NELL1: variants seen among roughly 807,000 people sequenced by gnomAD.
NELL1 encodes the protein neural EGFL like 1, also known as protein kinase C-binding protein NELL1.
Under a neutral mutation model 107.4 loss-of-function variants are expected in NELL1, and 76 were observed. The observed-to-expected ratio is 0.71, with a 90% CI of 0.59 to 0.86. The LOEUF (loss-of-function observed/expected upper bound fraction) is 0.86. Among genes scored for constraint, NELL1 ranks in the 40% least tolerant of loss-of-function variants. The pLI is 0.00. For missense variants in NELL1, 1,024 were observed against 1,005.5 expected, an observed-to-expected ratio of 1.02 and a Z score of -0.25; for synonymous variants, 353 against 341.2, an observed-to-expected ratio of 1.03 and a Z score of -0.38.
At chr11:21,202,437 T>C (rs1857290440) in intron 13 of NELL1, among the ~76,000 whole-genome samples, 1 of 152,242 alleles carries the variant, frequency 6.6e-6, no homozygotes, top group African/African-American at 2.4e-5. Context: ...TATTCTCTGA[T>C]GGTAGACTGT....
chr11:20,874,134 C>T (rs771225423), intron 4 of NELL1, among the ~76,000 whole-genome samples: 1 of 152,144 alleles, frequency 6.6e-6, no homozygotes, highest in African/African-American at 2.4e-5. Flanking sequence ...ATGGCACGAT[C>T]ACGGCTCACT....
chr11:20,861,592 C>T (rs1001953413), intron 4 of NELL1, among the ~76,000 whole-genome samples: 6 of 152,150 alleles, frequency 3.9e-5, no homozygotes, highest in South Asian at 4.1e-4. Flanking sequence ...GGTGAGACCA[C>T]GGCAATTATC....
At chr11:20,866,823 A>G (rs1192305054) in intron 4 of NELL1, among the ~76,000 whole-genome samples, 2 of 152,166 alleles carry the variant, frequency 1.3e-5, no homozygotes, top group African/African-American at 2.4e-5. Context: ...GATGTCTCTC[A>G]TTCTTTCCTA....
At chr11:20,840,401 G>C (rs892072802) in intron 3 of NELL1, among the ~76,000 whole-genome samples, 23 of 152,228 alleles carry the variant, frequency 1.5e-4, no homozygotes, top group Non-Finnish European at 2.6e-4. Context: ...AATTTGGACA[G>C]AGCCCAGAAA....
At chr11:21,523,037 C>T (rs971269850) in intron 15 of NELL1, among the ~76,000 whole-genome samples, 1 of 151,600 alleles carries the variant, frequency 6.6e-6, no homozygotes, top group Non-Finnish European at 1.5e-5. Flanking sequence ...TTAGTAGAAA[C>T]GGGGTTTCAC....
At chr11:21,132,690 C>T (rs767568009) in intron 13 of NELL1, among the ~76,000 whole-genome samples, 3 of 152,038 alleles carry the variant, frequency 2.0e-5, no homozygotes, top group Non-Finnish European at 2.9e-5. Flanking sequence ...AAAGAAGATG[C>T]TACAGCCCTG....
At chr11:20,893,751 A>T (rs1320118040) in intron 5 of NELL1, among the ~76,000 whole-genome samples, 1 of 151,816 alleles carries the variant, frequency 6.6e-6, no homozygotes, top group Non-Finnish European at 1.5e-5. Flanking sequence ...TAGAATGAAA[A>T]ATAAGAGTAT....
intron 12 of NELL1, among the ~76,000 whole-genome samples, chr11:21,086,476 G>C (rs1445074378): frequency 1.3e-5 from 2 of 152,138 alleles, no homozygotes; most frequent in Non-Finnish European, 2.9e-5. Flanking sequence ...CATCAATATA[G>C]TAGCTAAAAG....
intron 15 of NELL1, among the ~76,000 whole-genome samples, chr11:21,482,750 T>TA (rs545059568): frequency 0.011 from 1,581 of 137,724 alleles, 27 homozygotes; most frequent in African/African-American, 0.034. Context: ...CTGGAGAGCT[T>TA]AAAAAAAAAA....
intron 2 of NELL1, among the ~76,000 whole-genome samples, chr11:20,728,015 C>G (rs11025717): frequency 0.12 from 18,174 of 152,004 alleles, 1,195 homozygotes; most frequent in Non-Finnish European, 0.15. Flanking sequence ...GTATGAGATG[C>G]TATTTTATTG....
chr11:20,909,226 A>G (rs988199109), intron 5 of NELL1, among the ~76,000 whole-genome samples: 26 of 152,338 alleles, frequency 1.7e-4, no homozygotes, highest in African/African-American at 5.8e-4. Flanking sequence ...TGTTGAGGCA[A>G]TAGAAAAGTT....
At chr11:21,326,996 A>G (rs1850158283) in intron 14 of NELL1, among the ~76,000 whole-genome samples, 1 of 151,940 alleles carries the variant, frequency 6.6e-6, no homozygotes, top group South Asian at 2.1e-4. Context: ...GATATTATGG[A>G]TACCTATATG....
intron 13 of NELL1, among the ~76,000 whole-genome samples, chr11:21,211,831 T>G (rs1310053800): frequency 6.6e-6 from 1 of 152,018 alleles, no homozygotes; most frequent in African/African-American, 2.4e-5. Flanking sequence ...GTTTGTTTGG[T>G]TTTTTTGTTT....
chr11:21,445,368 C>A (rs1008656115), intron 15 of NELL1, among the ~76,000 whole-genome samples: 2 of 132,542 alleles, frequency 1.5e-5, no homozygotes, highest in African/African-American at 4.9e-5. Flanking sequence ...CTCTTGCTGC[C>A]CAGGCTGGAG....
At chr11:20,800,075 A>C (rs1312847088) in intron 3 of NELL1, among the ~76,000 whole-genome samples, 1 of 152,166 alleles carries the variant, frequency 6.6e-6, no homozygotes, top group Admixed American at 6.5e-5. Context: ...CCCATGGTGT[A>C]TACGTACTAG....
At chr11:21,251,537 C>A (rs1322813355) in intron 14 of NELL1, among the ~76,000 whole-genome samples, 1 of 151,890 alleles carries the variant, frequency 6.6e-6, no homozygotes, top group Admixed American at 6.6e-5. Context: ...TCTCCCAGCC[C>A]CCCACCTCCA....
intron 2 of NELL1, among the ~76,000 whole-genome samples, chr11:20,744,336 T>C (rs1288095853): frequency 6.6e-6 from 1 of 152,252 alleles, no homozygotes; most frequent in Admixed American, 6.5e-5. Context: ...CATATTATTA[T>C]ACTATTTATC....
At chr11:21,319,670 C>T (rs1174144626) in intron 14 of NELL1, among the ~76,000 whole-genome samples, 1 of 151,460 alleles carries the variant, frequency 6.6e-6, no homozygotes, top group African/African-American at 2.4e-5. Flanking sequence ...AACTCTTGGG[C>T]TAGGTGCGGT....
intron 11 of NELL1, among the ~76,000 whole-genome samples, chr11:20,949,678 T>C (rs1851033439): frequency 6.6e-6 from 1 of 152,208 alleles, no homozygotes; most frequent in South Asian, 2.1e-4. Context: ...TTAGCACTTG[T>C]CTGGAATGTG....
Sources: gnomAD v4.1 joint callset for allele counts (sites outside exome capture counted in the v4.1 genomes callset) on GRCh38, gnomAD v4.1.1 for gene constraint, MANE v1.5 for transcripts, NCBI Gene and HGNC (gene_info 2026-07-23, HGNC 2026-07-21) for gene names.